EML5: variants seen among roughly 807,000 people sequenced by gnomAD.
EML5 encodes the protein EMAP like 5.
EML5 carries 120 observed loss-of-function variants against 250.0 expected under a neutral mutation model. The observed-to-expected ratio is 0.48, with a 90% confidence interval of 0.41 to 0.56. The LOEUF is 0.56. Among genes scored for constraint, EML5 ranks in the 20% least tolerant of loss-of-function variants. The pLI is 0.00. For missense variants in EML5, 2,006 were observed against 2,437.6 expected (o/e 0.82, Z 3.73); for synonymous variants, 771 against 806.5 (o/e 0.96, Z 0.75).
intron 14 of EML5, among the ~76,000 whole-genome samples, chr14:88,701,521 A>G (rs2093208933): frequency 6.6e-6 from 1 of 152,164 alleles, no homozygotes; most frequent in African/African-American, 2.4e-5. Flanking sequence ...GAATGAAAGA[A>G]AGGAAGAAGG....
rs1233963210 is a variant in EML5 at position 88,615,470 on chromosome 14, C to T, written c.*348G>A. 1 of 218,474 alleles carries T rather than the reference C, an allele frequency of 4.6e-6. No homozygotes were observed. The highest frequency in any genetic ancestry group is 9.5e-5 in the East Asian group (1 of 10,530). The allele number at this position is 218,474 out of a possible 1,614,324, so 13.5% of individuals were successfully genotyped here. ...TGCTAAAAAGATAATGAAAATTATC[C>T]AAATTGGGTTTTTGAGTTCTTCTGT... On this transcript the variant is annotated 3_prime_UTR_variant, in exon 44 of 44. Coordinates refer to ENST00000554922, the MANE Select transcript of EML5 (RefSeq NM_183387.3).
intron 3 of EML5, among the ~76,000 whole-genome samples, chr14:88,744,463 C>T (rs941666): frequency 0.4 from 60,951 of 151,730 alleles, 14,748 homozygotes; most frequent in African/African-American, 0.66. Context: ...GTGACACTTA[C>T]ACAGCCTAGA....
chr14:88,779,291 TATC>T (rs1242309723), intron 1 of EML5, among the ~76,000 whole-genome samples: 2 of 152,186 alleles, frequency 1.3e-5, no homozygotes, highest in African/African-American at 4.8e-5. Flanking sequence ...AAACTATGAG[TATC>T]ATATCAGAAG....
At chr14:88,693,461 G>C (rs2093004592) in intron 17 of EML5, among the ~76,000 whole-genome samples, 1 of 152,156 alleles carries the variant, frequency 6.6e-6, no homozygotes, top group African/African-American at 2.4e-5. Context: ...ACTTCCACAA[G>C]AACAGTATGG....
intron 1 of EML5, among the ~76,000 whole-genome samples, chr14:88,766,683 T>C (rs2094324801): frequency 6.6e-6 from 1 of 152,112 alleles, no homozygotes; most frequent in African/African-American, 2.4e-5. Flanking sequence ...AAGTATGTGA[T>C]CTCTGTGACC....
intron 13 of EML5, among the ~76,000 whole-genome samples, chr14:88,703,017 G>A (rs983799446): frequency 6.6e-6 from 1 of 152,008 alleles, no homozygotes; most frequent in Non-Finnish European, 1.5e-5. Context: ...AAAGTGCTGG[G>A]ATTACAGGTG....
chr14:88,692,173 C>T (rs965309519), intron 17 of EML5, among the ~76,000 whole-genome samples: 7 of 152,012 alleles, frequency 4.6e-5, no homozygotes, highest in African/African-American at 1.7e-4. Flanking sequence ...TCAGGGAGTT[C>T]GAGACCAGCC....
chr14:88,693,763 CTTT>C lies in EML5; in HGVS notation c.2539+541_2539+543del, dbSNP rs71127002. On this transcript the variant is annotated intron_variant, in intron 17 of 43. Transcript: ENST00000554922. ...CTTCAGTTTCTACTAATGTTAACAT[CTTT>C]TTTTTTTTTTTTTTTTTTTTTTCGA... Among the ~76,000 whole-genome samples, 601 of 62,808 alleles carry C rather than the reference CTTT, an allele frequency of 9.6e-3. 3 individuals carry two copies. Among genetic ancestry groups the C allele is most frequent in the African/African-American group, 0.043 (570 of 13,222 alleles). 41.2% of individuals were successfully genotyped at this position (62,808 alleles called of 152,430 possible).
At chr14:88,704,509 A>G (rs547950668) in intron 13 of EML5, among the ~76,000 whole-genome samples, 1 of 152,310 alleles carries the variant, frequency 6.6e-6, no homozygotes, top group Non-Finnish European at 1.5e-5. Flanking sequence ...GACAGAAAAA[A>G]AGAGACACAG....
At chr14:88,689,133 A>T (rs780203143) in intron 17 of EML5, among the ~76,000 whole-genome samples, 1 of 152,174 alleles carries the variant, frequency 6.6e-6, no homozygotes, top group African/African-American at 2.4e-5. Context: ...CTATTAATGG[A>T]GATTTAAGTT....
chr14:88,682,357 G>A (rs956683544), intron 20 of EML5, among the ~76,000 whole-genome samples: 3 of 151,404 alleles, frequency 2.0e-5, no homozygotes, highest in Admixed American at 6.6e-5. Context: ...CTGCATGAGA[G>A]AGTGAGGAGC....
chr14:88,616,357 C>T (rs1476590405), intron 42 of EML5, 115 bp from the exon 43 acceptor site: 3 of 999,094 alleles, frequency 3.0e-6, no homozygotes, highest in African/African-American at 1.6e-5. Context: ...GGAGTTAGCA[C>T]CGCAGCCAGT....
intron 33 of EML5, among the ~76,000 whole-genome samples, chr14:88,630,708 C>T (rs751640245): frequency 5.3e-5 from 8 of 152,186 alleles, no homozygotes; most frequent in East Asian, 1.9e-4. Flanking sequence ...TAAAATGACT[C>T]AGTCAGGCTA....
In EML5 at chr14:88,618,246, G is replaced by C. The variant is rs377576340; in HGVS notation, c.5624C>G (p.Thr1875Ser). ...LMDHAAIDRITWATWTSILGD... is the reference protein window; with the variant it reads ...LMDHAAIDRISWATWTSILGD... ...TATTTACCTAGTCCATGTAGCCCAA[G>C]TAATTCTGTCAATAGCGGCATGATC... The change falls in exon 41 of 44, where the codon ACT (threonine) becomes AGT (serine). Residue 1875 changes from threonine to serine, a missense_variant. Thr to Ser is a moderately conservative substitution (Grantham distance 58). Around this residue, in one of 7 missense-constraint regions of EML5, gnomAD observed 405 missense variants for 523.3 expected, o/e 0.77. Coordinates refer to ENST00000554922, the MANE Select transcript of EML5 (RefSeq NM_183387.3). 28 of 1,613,644 alleles carry C rather than the reference G, an allele frequency of 1.7e-5. No individual in the cohort carries two copies. The highest frequency in any genetic ancestry group is 1.8e-5 in the Non-Finnish European group (21 of 1,179,824).
chr14:88,660,023 C>A (rs766617284), intron 25 of EML5, among the ~76,000 whole-genome samples: 4 of 151,994 alleles, frequency 2.6e-5, no homozygotes, highest in African/African-American at 9.7e-5. Context: ...CGCCTGTAAT[C>A]CCACCACTTT....
At chr14:88,727,378 G>C (rs1389283036) in intron 7 of EML5, among the ~76,000 whole-genome samples, 1 of 150,366 alleles carries the variant, frequency 6.7e-6, no homozygotes, top group Non-Finnish European at 1.5e-5. Context: ...TCTCAACTCT[G>C]CATCTGTAGT....
intron 1 of EML5, among the ~76,000 whole-genome samples, chr14:88,755,176 A>G (rs1789209628): frequency 6.6e-6 from 1 of 152,228 alleles, no homozygotes; most frequent in African/African-American, 2.4e-5. Flanking sequence ...AGAATATGTG[A>G]TAAACAGTTA....
chr14:88,640,980 T>TC (rs1228066904), intron 31 of EML5, among the ~76,000 whole-genome samples: 34 of 151,904 alleles, frequency 2.2e-4, no homozygotes, highest in Non-Finnish European at 2.4e-4. Flanking sequence ...GTTGTGGGCC[T>TC]CTAAAAAAAG....
At chr14:88,694,475 C>A in intron 16 of EML5, 68 bp from the exon 17 acceptor site, 1 of 1,078,284 alleles carries the variant, frequency 9.3e-7, no homozygotes, top group Non-Finnish European at 1.3e-6. Flanking sequence ...CTTGCCTAAT[C>A]CATACCCTAT....
Sources: allele counts gnomAD v4.1 joint callset (sites outside exome capture counted in the v4.1 genomes callset), GRCh38; gene constraint gnomAD v4.1.1; regional missense constraint gnomAD v4.1.1; transcripts MANE v1.5; gene names NCBI Gene and HGNC (gene_info 2026-07-23, HGNC 2026-07-21).